Variants in GMDS observed in about 807,000 individuals in gnomAD.
GMDS encodes GDP-mannose 4,6 dehydratase.
In GMDS, 20 loss-of-function variants were observed where a neutral mutation model predicts 49.9. The ratio of observed to expected loss-of-function variants is 0.40; its 90% CI spans 0.28 to 0.58. The LOEUF is 0.58. GMDS is among the 20% of genes least tolerant of loss of function. GMDS has a pLI of 0.42. For missense variants in GMDS, 362 were observed against 481.4 expected (o/e 0.75, Z 2.32); for synonymous variants, 177 against 178.6 (o/e 0.99, Z 0.07).
At chr6:1,794,258 C>T (rs184082150) in intron 7 of GMDS, among the ~76,000 whole-genome samples, 2 of 152,130 alleles carry the variant, frequency 1.3e-5, no homozygotes, top group African/African-American at 4.8e-5. Flanking sequence ...TTACGTATGT[C>T]TACTCTAATC....
At chr6:1,820,786 C>T (rs546179305) in intron 7 of GMDS, among the ~76,000 whole-genome samples, 1 of 152,288 alleles carries the variant, frequency 6.6e-6, no homozygotes, top group Non-Finnish European at 1.5e-5. Context: ...AACTGCAAGC[C>T]TGCTGCTTTT....
Position 1,925,025 on chromosome 6 carries a change from C to T in GMDS, c.771+5078G>A, listed in dbSNP as rs183981998. 2.0e-5 allele frequency among the ~76,000 whole-genome samples: 3 copies of T among 152,102 alleles called. No homozygotes were observed. In the East Asian group the frequency reaches 5.8e-4, roughly 29 times the overall value. On this transcript the variant is annotated intron_variant, in intron 7 of 10. Coordinates refer to ENST00000380815, the MANE Select transcript of GMDS (RefSeq NM_001500.4). ...AAATTTTTAGTAGCTTGTGTTTGTG[C>T]AAATTGAATATTTGTAGCTGTAAGC...
At chr6:2,155,025 CACA>C (rs1253616560) in intron 1 of GMDS, among the ~76,000 whole-genome samples, 2 of 152,028 alleles carry the variant, frequency 1.3e-5, no homozygotes, top group South Asian at 4.1e-4. Flanking sequence ...ATAACTCTTT[CACA>C]ACATTATCTT....
At chr6:1,860,686 A>C (rs540858597) in intron 7 of GMDS, among the ~76,000 whole-genome samples, 6 of 152,366 alleles carry the variant, frequency 3.9e-5, no homozygotes, top group African/African-American at 1.4e-4. Flanking sequence ...GTCCAAAAAA[A>C]GGACGAGAAG....
intron 4 of GMDS, among the ~76,000 whole-genome samples, chr6:2,023,281 AC>A (rs1290869637): frequency 6.6e-6 from 1 of 152,264 alleles, no homozygotes; most frequent in Non-Finnish European, 1.5e-5. Context: ...TGCCATCTTT[AC>A]ATATACTCGA....
chr6:1,691,044 A>G (rs1036098900), intron 9 of GMDS, among the ~76,000 whole-genome samples: 7 of 152,234 alleles, frequency 4.6e-5, no homozygotes, highest in African/African-American at 1.7e-4. Flanking sequence ...ATTCTATTAT[A>G]AAAATATATG....
At chr6:1,756,075 C>A (rs1420219660) in intron 7 of GMDS, among the ~76,000 whole-genome samples, 1 of 152,136 alleles carries the variant, frequency 6.6e-6, no homozygotes, top group Non-Finnish European at 1.5e-5. Context: ...AAAACAACAA[C>A]CCCCTCCAAA....
At chr6:1,913,735 C>G in intron 7 of GMDS, among the ~76,000 whole-genome samples, 1 of 152,148 alleles carries the variant, frequency 6.6e-6, no homozygotes, top group East Asian at 1.9e-4. Context: ...CAGGGGTGGC[C>G]CTGCTAGAAT....
At chr6:1,745,835 T>C (rs1332678621) in intron 7 of GMDS, among the ~76,000 whole-genome samples, 1 of 152,198 alleles carries the variant, frequency 6.6e-6, no homozygotes, top group Non-Finnish European at 1.5e-5. Context: ...GGTTATTGAC[T>C]GGTAAATGAA....
chr6:1,768,473 A>G (rs1768446558), intron 7 of GMDS, among the ~76,000 whole-genome samples: 1 of 152,230 alleles, frequency 6.6e-6, no homozygotes, highest in African/African-American at 2.4e-5. Flanking sequence ...AAACTTGGGT[A>G]CATACCTTAG....
chr6:1,916,901 T>C (rs1466161152), intron 7 of GMDS, among the ~76,000 whole-genome samples: 2 of 151,246 alleles, frequency 1.3e-5, no homozygotes, highest in African/African-American at 2.4e-5. Context: ...TTTTTGAAGA[T>C]AAGGATCAAA....
At position 2,134,676 on chromosome 6, in the gene GMDS, A is replaced by C. The variant is rs1775906168; in HGVS notation, c.103-9945T>G. On this transcript the variant is annotated intron_variant, in intron 1 of 10. Transcript: ENST00000380815. ...TAACAACTACTTCTGTTTCCCAGCT[A>C]TTCTCTCCTAATATTTATGATATAT... Among the ~76,000 whole-genome samples, 3 of 152,152 alleles carry C rather than the reference A, an allele frequency of 2.0e-5. No individual in the cohort carries two copies. In the South Asian group the frequency reaches 6.2e-4, roughly 31 times the overall value.
intron 6 of GMDS, among the ~76,000 whole-genome samples, chr6:1,940,189 G>GCATA (rs936836201): frequency 6.6e-6 from 1 of 152,164 alleles, no homozygotes; most frequent in African/African-American, 2.4e-5. Flanking sequence ...ATGCATGCAT[G>GCATA]CATACATACA....
chr6:1,956,683 C>T (rs531179047), intron 6 of GMDS, among the ~76,000 whole-genome samples: 1 of 152,076 alleles, frequency 6.6e-6, no homozygotes, highest in East Asian at 1.9e-4. Context: ...AAATGTTCAA[C>T]CAACTTAAGA....
At chr6:1,665,969 C>A (rs1343001375) in intron 9 of GMDS, among the ~76,000 whole-genome samples, 1 of 152,116 alleles carries the variant, frequency 6.6e-6, no homozygotes, top group Non-Finnish European at 1.5e-5. Context: ...TTCTGGAGAC[C>A]GTATTTTTAA....
At chr6:1,681,123 C>G (rs895810527) in intron 9 of GMDS, among the ~76,000 whole-genome samples, 1 of 152,114 alleles carries the variant, frequency 6.6e-6, no homozygotes, top group Non-Finnish European at 1.5e-5. Context: ...TACAAATACA[C>G]ACACTTACAG....
chr6:1,978,665 T>C (rs1365026128), intron 4 of GMDS, among the ~76,000 whole-genome samples: 1 of 152,168 alleles, frequency 6.6e-6, no homozygotes, highest in East Asian at 1.9e-4. Flanking sequence ...CTTGCCTGTT[T>C]GGGCTGCCTG....
chr6:1,647,473 GAATT>G (rs1763522384), intron 9 of GMDS, among the ~76,000 whole-genome samples: 1 of 152,168 alleles, frequency 6.6e-6, no homozygotes, highest in African/African-American at 2.4e-5. Context: ...ACTGAAATAA[GAATT>G]AATACCTTCA....
At chr6:1,737,975 TAC>T (rs370340563) in intron 8 of GMDS, among the ~76,000 whole-genome samples, 242 of 108,676 alleles carry the variant, frequency 2.2e-3, no homozygotes, top group South Asian at 0.022. Flanking sequence ...TACACACACA[TAC>T]ACACACACCA....
Sources: allele counts gnomAD v4.1 joint callset (sites outside exome capture counted in the v4.1 genomes callset), GRCh38; gene constraint gnomAD v4.1.1; transcripts MANE v1.5; gene names NCBI Gene and HGNC (gene_info 2026-07-23, HGNC 2026-07-21).